Variants in PDE1C observed in about 807,000 individuals in gnomAD.
PDE1C encodes dual specificity calcium/calmodulin-dependent 3',5'-cyclic nucleotide phosphodiesterase 1C.
In PDE1C, 62 loss-of-function variants were observed where a neutral mutation model predicts 93.1. That is an observed-to-expected ratio of 0.67 (90% CI 0.54 to 0.82). The LOEUF (loss-of-function observed/expected upper bound fraction) is 0.82, where lower values mean the gene tolerates loss of function less well. Among genes scored for constraint, PDE1C ranks in the 40% least tolerant of loss-of-function variants. PDE1C has a pLI of 0.00. For missense variants in PDE1C, 742 were observed against 884.6 expected (o/e 0.84, Z 2.04); for synonymous variants, 325 against 310.1 (o/e 1.05, Z -0.50).
intron 1 of PDE1C, among the ~76,000 whole-genome samples, chr7:32,238,987 C>A (rs1035434356): frequency 1.3e-5 from 2 of 152,182 alleles, no homozygotes. Context: ...GATAAGCAGA[C>A]TGGGCATAGT....
intron 1 of PDE1C, among the ~76,000 whole-genome samples, chr7:32,247,243 G>GGTGAGTACAGACAGTCCCCAACTTAT (rs1169251177): frequency 1.6e-5 from 2 of 124,658 alleles, no homozygotes; most frequent in Non-Finnish European, 3.6e-5. Context: ...TGTGCGAATT[G>GGTGAGTACAGACAGTCCCCAACTTAT]AAGCAGTGGC....
At chr7:32,024,218 G>C (rs1789099018) in intron 2 of PDE1C, among the ~76,000 whole-genome samples, 1 of 151,880 alleles carries the variant, frequency 6.6e-6, no homozygotes, top group Non-Finnish European at 1.5e-5. Context: ...GAAACAGGGA[G>C]GAAGGTGTAT....
intron 1 of PDE1C, among the ~76,000 whole-genome samples, chr7:32,290,298 T>A (rs1348305953): frequency 1.3e-5 from 2 of 152,150 alleles, no homozygotes; most frequent in Non-Finnish European, 1.5e-5. Context: ...GAATGCTACA[T>A]AAGTGGCTGG....
chr7:32,093,644 A>G (rs1427454252), intron 3 of PDE1C, among the ~76,000 whole-genome samples: 1 of 152,220 alleles, frequency 6.6e-6, no homozygotes, highest in Non-Finnish European at 1.5e-5. Context: ...TGGGGCTGTT[A>G]TCTTTACATG....
intron 1 of PDE1C, among the ~76,000 whole-genome samples, chr7:32,059,349 C>T (rs993029980): frequency 6.6e-6 from 1 of 152,106 alleles, no homozygotes; most frequent in Non-Finnish European, 1.5e-5. Flanking sequence ...TAGTGCTGGC[C>T]AGGCAGTGGA....
chr7:31,929,503 T>C (rs928433144), intron 2 of PDE1C, among the ~76,000 whole-genome samples: 1 of 152,124 alleles, frequency 6.6e-6, no homozygotes, highest in Non-Finnish European at 1.5e-5. Flanking sequence ...TAGCACCACA[T>C]AGCAATTATC....
intron 1 of PDE1C, among the ~76,000 whole-genome samples, chr7:32,384,738 A>C (rs1481308599): frequency 6.6e-6 from 1 of 152,184 alleles, no homozygotes; most frequent in African/African-American, 2.4e-5. Flanking sequence ...GAAGAGATAT[A>C]ATTAGATATT....
At chr7:31,909,206 C>CTAT (rs1262059474) in intron 2 of PDE1C, among the ~76,000 whole-genome samples, 1 of 152,148 alleles carries the variant, frequency 6.6e-6, no homozygotes, top group Non-Finnish European at 1.5e-5. Context: ...TCATCGGGCT[C>CTAT]TACTCAAGAA....
At chr7:32,073,344 G>A (rs941766674), upstream of PDE1C, among the ~76,000 whole-genome samples, 2 of 152,138 alleles carry the variant, frequency 1.3e-5, no homozygotes, top group African/African-American at 4.8e-5. Context: ...AGCCATAATA[G>A]TCTTTAGAGC....
At chr7:31,779,586 T>C (rs1239200711) in intron 16 of PDE1C, among the ~76,000 whole-genome samples, 1 of 152,168 alleles carries the variant, frequency 6.6e-6, no homozygotes, top group Non-Finnish European at 1.5e-5. Flanking sequence ...CTTGGTGAGA[T>C]GCCCAATATA....
chr7:32,120,263 G>A (rs931539670), intron 3 of PDE1C, among the ~76,000 whole-genome samples: 1 of 152,200 alleles, frequency 6.6e-6, no homozygotes, highest in African/African-American at 2.4e-5. Flanking sequence ...CCCCTAGGGG[G>A]AAGGGTGGCC....
At chr7:32,272,994 C>T (rs924571126) in intron 1 of PDE1C, among the ~76,000 whole-genome samples, 4 of 152,040 alleles carry the variant, frequency 2.6e-5, no homozygotes, top group Non-Finnish European at 5.9e-5. Context: ...CCCTATGATA[C>T]GGGGTATGGA....
intron 1 of PDE1C, among the ~76,000 whole-genome samples, chr7:32,259,496 C>A (rs1386537618): frequency 6.6e-6 from 1 of 152,158 alleles, no homozygotes; most frequent in Non-Finnish European, 1.5e-5. Context: ...GCTGGGGGAG[C>A]TGGGGCAAGT....
chr7:32,043,905 G>C (rs1792169701), intron 2 of PDE1C, among the ~76,000 whole-genome samples: 1 of 152,198 alleles, frequency 6.6e-6, no homozygotes, highest in Admixed American at 6.5e-5. Context: ...AAAGCCATTT[G>C]AAAGTATGAG....
intron 2 of PDE1C, among the ~76,000 whole-genome samples, chr7:31,950,654 T>C (rs1434524883): frequency 1.3e-5 from 2 of 152,182 alleles, no homozygotes; most frequent in African/African-American, 4.8e-5. Context: ...TAAACTTGAA[T>C]CCACTCATTA....
intron 2 of PDE1C, among the ~76,000 whole-genome samples, chr7:31,890,552 A>G (rs1170948050): frequency 6.6e-6 from 1 of 152,148 alleles, no homozygotes; most frequent in East Asian, 1.9e-4. Context: ...TCCTCATTCA[A>G]CCTCAATTGC....
chr7:32,200,147 G>A (rs1401961925), intron 2 of PDE1C, among the ~76,000 whole-genome samples: 4 of 152,110 alleles, frequency 2.6e-5, no homozygotes, highest in African/African-American at 7.2e-5. Context: ...AAGTTCTTAG[G>A]CTCTAATTAT....
intron 17 of PDE1C, among the ~76,000 whole-genome samples, chr7:31,766,283 C>G (rs986785381): frequency 1.4e-4 from 22 of 151,764 alleles, no homozygotes; most frequent in Non-Finnish European, 2.9e-4. Flanking sequence ...ACTCGGGAAG[C>G]TGAGGCAGGA....
intron 1 of PDE1C, among the ~76,000 whole-genome samples, chr7:32,222,453 G>A (rs1226052788): frequency 6.6e-6 from 1 of 152,178 alleles, no homozygotes; most frequent in Non-Finnish European, 1.5e-5. Flanking sequence ...AAGTCACAGA[G>A]GTCCTGGAAT....
Sources: allele counts gnomAD v4.1 joint callset (sites outside exome capture counted in the v4.1 genomes callset), GRCh38; gene constraint gnomAD v4.1.1; transcripts MANE v1.5; gene names NCBI Gene and HGNC (gene_info 2026-07-23, HGNC 2026-07-21).